ZSCAN23: variants seen among roughly 807,000 people sequenced by gnomAD.
ZSCAN23 encodes the protein zinc finger and SCAN domain-containing protein 23.
A neutral mutation model predicts 19.3 loss-of-function variants in ZSCAN23; 19 were observed. The ratio of observed to expected loss-of-function variants is 0.99; its 90% confidence interval spans 0.69 to 1.45. The LOEUF is 1.45. Among genes scored for constraint, ZSCAN23 ranks in the 40% most tolerant of loss-of-function variants. ZSCAN23 has a pLI of 0.00. For synonymous variants in ZSCAN23, 140 were observed against 166.2 expected (o/e 0.84, Z 1.21); for missense variants, 372 against 462.5 (o/e 0.80, Z 1.79).
chr6:28,440,242 A>G (rs1315953831), intron 1 of ZSCAN23, among the ~76,000 whole-genome samples: 1 of 152,224 alleles, frequency 6.6e-6, no homozygotes, highest in Non-Finnish European at 1.5e-5. Flanking sequence ...AAGTAACAGG[A>G]GATAAAGCAG....
the ZSCAN23 span, among the ~76,000 whole-genome samples, chr6:28,423,737 G>A: frequency 5.3e-5 from 8 of 152,186 alleles, no homozygotes; most frequent in Admixed American, 5.2e-4. Flanking sequence ...CAGCTCAGAA[G>A]ACTGGCTCAC....
chr6:28,422,623 C>T, the ZSCAN23 span, among the ~76,000 whole-genome samples: 633 of 151,794 alleles, frequency 4.2e-3, 6 homozygotes, highest in African/African-American at 0.014. The surrounding 1 kb of genome is among the most constrained non-coding windows in gnomAD (Gnocchi z 4.0). Context: ...CCTGTCTTTG[C>T]GATAAGAGGT....
intron 1 of ZSCAN23, among the ~76,000 whole-genome samples, chr6:28,442,028 C>T (rs757486914): frequency 2.6e-5 from 4 of 151,904 alleles, no homozygotes; most frequent in Non-Finnish European, 5.9e-5. Context: ...CAGGGACCCA[C>T]CACCACTCCT....
chr6:28,434,720 G>T lies in ZSCAN23; in HGVS notation c.915C>A (p.Tyr305Ter). 6.3e-7 allele frequency: 1 copy of T among 1,597,444 alleles called. No individual in the cohort carries two copies. Among genetic ancestry groups the T allele is most frequent in the Non-Finnish European group, 8.5e-7 (1 of 1,171,740 alleles). ...AGGCTTTGCCACAAACACTGCACTG[G>T]TAGCGCTTCTCCCCAGTGTGGAGTC... ...HQRLHTGEKR[Y>*]QCSVCGKAFS... Residue 305 changes from tyrosine (Y) to a stop codon, truncating the protein, a stop_gained, in exon 4 of 4, where the codon TAC becomes TAA. Transcript: ENST00000289788. LOFTEE classifies it low-confidence loss of function (END_TRUNC).
At chr6:28,430,721 G>C (rs1761746672), downstream of ZSCAN23, among the ~76,000 whole-genome samples, 1 of 151,794 alleles carries the variant, frequency 6.6e-6, no homozygotes, top group Non-Finnish European at 1.5e-5. Flanking sequence ...AAGATCTATT[G>C]ACACACTTAA....
chr6:28,435,126 A>G (rs969395948), intron 3 of ZSCAN23, 48 bp from the exon 4 acceptor site: 2 of 1,467,728 alleles, frequency 1.4e-6, no homozygotes, highest in African/African-American at 1.4e-5. Context: ...GAAAAATAAC[A>G]GATTATCTTT....
chr6:28,440,891 C>T (rs1469758256), intron 1 of ZSCAN23, among the ~76,000 whole-genome samples: 1 of 152,134 alleles, frequency 6.6e-6, no homozygotes, highest in African/African-American at 2.4e-5. Context: ...GATCCTTGCA[C>T]CAGCATACCT....
chr6:28,442,798 T>C (rs1439214370), intron 1 of ZSCAN23, among the ~76,000 whole-genome samples: 1 of 152,230 alleles, frequency 6.6e-6, no homozygotes, highest in African/African-American at 2.4e-5. Flanking sequence ...TCTTCTTGTA[T>C]GTTAATTTTA....
downstream of ZSCAN23, among the ~76,000 whole-genome samples, chr6:28,428,149 C>T (rs557666953): frequency 9.8e-5 from 15 of 152,312 alleles, no homozygotes; most frequent in African/African-American, 3.6e-4. Flanking sequence ...GCAATCTCAA[C>T]CATTTGATGA....
the ZSCAN23 span, among the ~76,000 whole-genome samples, chr6:28,423,095 G>A: frequency 2.0e-5 from 3 of 152,148 alleles, no homozygotes; most frequent in Non-Finnish European, 4.4e-5. Context: ...GTTTAATGAG[G>A]GTGACATTTG....
At position 28,435,889 on chromosome 6, in the gene ZSCAN23, C is replaced by G; in HGVS notation, c.378G>C (p.Leu126Phe). 1 of 1,609,076 alleles carries G rather than the reference C, an allele frequency of 6.2e-7. No homozygotes were observed. Among genetic ancestry groups the G allele is most frequent in the East Asian group, 2.2e-5 (1 of 44,874 alleles). The change falls in exon 2 of 4, where the codon TTG (leucine) becomes TTC (phenylalanine). Residue 126 changes from leucine to phenylalanine, a missense_variant. Coordinates refer to ENST00000289788, the MANE Select transcript of ZSCAN23 (RefSeq NM_001012455.2). ...GEEAVTVLED[L>F]ERELDDPGEQ... ...CTCCTGGGTCATCCAGCTCTCTCTC[C>G]AAATCCTCCAGCACAGTCACTGCCT... is the stretch of plus-strand genomic sequence containing the variant.
At chr6:28,423,598 A>G in the ZSCAN23 span, among the ~76,000 whole-genome samples, 1 of 152,320 alleles carries the variant, frequency 6.6e-6, no homozygotes, top group Non-Finnish European at 1.5e-5. Context: ...AGGCCCAAGT[A>G]AATACCCACC....
rs947746653 is a variant in ZSCAN23 at position 28,436,178 on chromosome 6, C to T, written c.89G>A (p.Cys30Tyr). The T allele has an allele frequency of 8.3e-6, 13 of 1,560,242 alleles. No homozygotes were observed. Among genetic ancestry groups the T allele is most frequent in the African/African-American group, 1.4e-5 (1 of 73,484 alleles). ...TCTTGACAGGCCTGATTCTGGCCCA[C>T]AGGAATGTTCCTCCTCTTCCTCCTT... The part of the protein sequence containing the change: ...KVKEEEEEHS[C>Y]GPESGLSRNN... The change falls in exon 2 of 4, where the codon TGT becomes TAT. Residue 30 changes from cysteine (C) to tyrosine (Y), a missense_variant. By Grantham distance (194) the Cys-to-Tyr change is radical (BLOSUM62 -2). Coordinates refer to ENST00000289788, the MANE Select transcript of ZSCAN23 (RefSeq NM_001012455.2).
rs1761881962 is a variant in ZSCAN23, at chr6:28,436,161, G to A, written c.106C>T (p.Leu36=). 1 of 1,574,892 alleles carries A rather than the reference G, an allele frequency of 6.3e-7. No individual in the cohort carries two copies. Among genetic ancestry groups the A allele is most frequent in the East Asian group, 2.3e-5 (1 of 42,592 alleles). Residue 36 remains leucine (L), a synonymous_variant, in exon 2 of 4, where the codon CTG becomes TTG. Transcript: ENST00000289788. ...EEHSCGPESG[L]SRNNPHTREI... ...CTGGTATGAGGGTTATTTCTTGACAGGCCTGATTCTGGCCCACAGGAATGT... is the reference window on the plus strand; with the variant it reads ...CTGGTATGAGGGTTATTTCTTGACAAGCCTGATTCTGGCCCACAGGAATGT...
Position 28,434,335 on chromosome 6 carries a change from A to C in ZSCAN23, c.*130T>G. 9.3e-7 allele frequency: 1 copy of C among 1,077,130 alleles called. No individual in the cohort carries two copies. The highest frequency in any genetic ancestry group is 2.6e-5 in the East Asian group (1 of 38,228). The allele number at this position is 1,077,130 out of a possible 1,614,324, so 66.7% of individuals were successfully genotyped here. On this transcript the variant is annotated 3_prime_UTR_variant, in exon 4 of 4. Transcript: ENST00000289788. Reference sequence around the variant, plus strand: ...ACTGATCAGAGAACTCGGCAGATGTATTTAAGATATTATGCTTCTCTCTGC... The same window carrying C: ...ACTGATCAGAGAACTCGGCAGATGTCTTTAAGATATTATGCTTCTCTCTGC...
rs946843325 is a variant in ZSCAN23, at chr6:28,439,625, T to C, written c.-77-3282A>G. Among the ~76,000 whole-genome samples, 8 of 152,198 alleles carry C rather than the reference T, an allele frequency of 5.3e-5. No individual in the cohort carries two copies. The East Asian group carries it at 7.7e-4, about 15-fold the overall frequency. ...TACATCCTAATAACAGTATTAATAA[T>C]AGCGGACATTTATAGTGCTTTTAAC... On this transcript the variant is annotated intron_variant, in intron 1 of 3. Coordinates refer to ENST00000289788, the MANE Select transcript of ZSCAN23 (RefSeq NM_001012455.2).
chr6:28,428,245 G>A (rs1761694790), downstream of ZSCAN23, among the ~76,000 whole-genome samples: 1 of 152,136 alleles, frequency 6.6e-6, no homozygotes, highest in Non-Finnish European at 1.5e-5. Context: ...GTCCAGTGGT[G>A]CATTAGACCT....
At chr6:28,430,099 A>AGGC (rs1554155436), downstream of ZSCAN23, among the ~76,000 whole-genome samples, 1 of 152,138 alleles carries the variant, frequency 6.6e-6, no homozygotes, top group Non-Finnish European at 1.5e-5. Flanking sequence ...GTCTGGGCTG[A>AGGC]CTTCTCTCTC....
At chr6:28,437,651 A>T (rs771940860) in intron 1 of ZSCAN23, among the ~76,000 whole-genome samples, 3 of 152,086 alleles carry the variant, frequency 2.0e-5, no homozygotes, top group Non-Finnish European at 2.9e-5. Context: ...AATGAAGAAA[A>T]TTTTCTGAAA....
Sources: allele counts gnomAD v4.1 joint callset (sites outside exome capture counted in the v4.1 genomes callset), GRCh38; gene constraint gnomAD v4.1.1; non-coding constraint Gnocchi (gnomAD v3.1); transcripts MANE v1.5; gene names NCBI Gene and HGNC (gene_info 2026-07-23, HGNC 2026-07-21).